ZNF664: variants seen among roughly 807,000 people sequenced by gnomAD.
ZNF664 encodes the protein zinc finger Organ of Corti 1.
ZNF664 carries 10 observed loss-of-function variants against 18.2 expected under a neutral mutation model. The ratio of observed to expected loss-of-function variants is 0.55; its 90% CI spans 0.34 to 0.93. ZNF664 has a LOEUF of 0.93. Ranked by LOEUF, ZNF664 falls within the 40% of genes least tolerant of loss-of-function variation. The pLI, the probability that ZNF664 is intolerant of heterozygous loss-of-function variation, is 0.02. For missense variants in ZNF664, 193 were observed against 319.0 expected (o/e 0.61, Z 3.01); for synonymous variants, 119 against 104.2 (o/e 1.14, Z -0.86).
rs925533578 is a variant in ZNF664, at chr12:124,008,825, C to T, written c.-660-2556C>T. 2.6e-5 allele frequency among the ~76,000 whole-genome samples: 4 copies of T among 152,032 alleles called. No individual in the cohort carries two copies. The East Asian group carries it at 7.8e-4, about 29-fold the overall frequency. On this transcript the variant is annotated intron_variant, in intron 3 of 4. Transcript: ENST00000337815. Reference sequence around the variant, plus strand: ...GGCTCTGTGTTCCTTTGGCACGGCCCTCTTGCTTTCTGGCATAACAGGATG... The same window carrying T: ...GGCTCTGTGTTCCTTTGGCACGGCCTTCTTGCTTTCTGGCATAACAGGATG...
rs896530025 is a variant in ZNF664, at chr12:123,987,794, A to G, written c.-756-249A>G. On this transcript the variant is annotated intron_variant, in intron 2 of 4. Coordinates refer to ENST00000337815, the MANE Select transcript of ZNF664 (RefSeq NM_152437.3). The stretch of plus-strand genomic sequence containing the variant: ...GGCTAATTGTGATAATGGGATACCT[A>G]TATCTTGGAGGGAAGTTGTGCAGAG... Among the ~76,000 whole-genome samples, 3 of 152,198 alleles carry G rather than the reference A, an allele frequency of 2.0e-5. No homozygotes were observed. In the South Asian group the frequency reaches 6.2e-4, roughly 31 times the overall value.
Position 124,011,903 on chromosome 12 carries a change from T to C in ZNF664, c.-242T>C, listed in dbSNP as rs1957139165. 3 of 1,304,352 alleles carry C rather than the reference T, an allele frequency of 2.3e-6. No individual in the cohort carries two copies. The allele number at this position is 1,304,352 out of a possible 1,614,324, so 80.8% of individuals were successfully genotyped here. A position where few individuals can be genotyped will look rare whatever the true frequency, so the allele number is the denominator to read the frequency against. ...GTGTTAATGAGTTACAGAATTCACG[T>C]GGAAGTCAATGTCACTTTATAATCG... On this transcript the variant is annotated 5_prime_UTR_variant, in exon 5 of 5. Coordinates refer to ENST00000337815, the MANE Select transcript of ZNF664 (RefSeq NM_152437.3).
chr12:123,983,599 C>T (rs1181194498), intron 2 of ZNF664, among the ~76,000 whole-genome samples: 1 of 152,196 alleles, frequency 6.6e-6, no homozygotes, highest in African/African-American at 2.4e-5. Context: ...TGAACTCTGC[C>T]ACTTAGGTTA....
chr12:123,983,579 C>G (rs932967297), intron 2 of ZNF664, among the ~76,000 whole-genome samples: 1 of 152,108 alleles, frequency 6.6e-6, no homozygotes, highest in Non-Finnish European at 1.5e-5. Flanking sequence ...GACCCCTGTC[C>G]CAAAGATGAT....
intron 3 of ZNF664, among the ~76,000 whole-genome samples, chr12:123,994,847 T>C (rs1199215833): frequency 2.6e-5 from 4 of 152,180 alleles, no homozygotes; most frequent in Non-Finnish European, 4.4e-5. Flanking sequence ...ATTTGGAGCC[T>C]TCATGGAGTG....
In ZNF664 at chr12:124,012,949, T is replaced by TA. The variant is rs1957149851; in HGVS notation, c.*23dup. 6.2e-7 allele frequency: 1 copy of TA among 1,606,948 alleles called. No homozygotes were observed. The highest frequency in any genetic ancestry group is 1.3e-5 in the African/African-American group (1 of 74,516). On this transcript the variant is annotated 3_prime_UTR_variant, in exon 5 of 5. Transcript: ENST00000337815. ...TATATAAAACGTTTTGCTAAGAGTT[T>TA]AAAATCTTAAAACCCATAAGTGCCA...
At chr12:123,974,329 G>C (rs576705515) in intron 2 of ZNF664, 1 of 304,164 alleles carries the variant, frequency 3.3e-6, no homozygotes, top group South Asian at 1.6e-4. Flanking sequence ...TTGCAACAAA[G>C]GAGACCAGAT....
At chr12:123,996,927 G>T (rs1002832859) in intron 3 of ZNF664, among the ~76,000 whole-genome samples, 1 of 152,170 alleles carries the variant, frequency 6.6e-6, no homozygotes, top group African/African-American at 2.4e-5. Context: ...CCTTCCCCAG[G>T]CTGCCAGCCA....
rs1047793467 is a variant in ZNF664 at position 123,988,184 on chromosome 12, C to G, written c.-661+46C>G. 8.1e-6 allele frequency: 10 copies of G among 1,230,082 alleles called. No individual in the cohort carries two copies. In the African/African-American group the frequency reaches 1.6e-4, roughly 19 times the overall value. 76.2% of individuals were successfully genotyped at this position (1,230,082 alleles called of 1,614,324 possible). A position where few individuals can be genotyped will look rare whatever the true frequency, so the allele number is the denominator to read the frequency against. On this transcript the variant is annotated intron_variant, in intron 3 of 4. Transcript: ENST00000337815. The stretch of plus-strand genomic sequence containing the variant: ...ACCATTTGTCCTAGATGGAGAATCC[C>G]CCTTGAGTATTTTAAGCCAAAGCTG...
chr12:123,985,219 G>C (rs1039078216), intron 2 of ZNF664, among the ~76,000 whole-genome samples: 3 of 152,200 alleles, frequency 2.0e-5, no homozygotes, highest in African/African-American at 7.2e-5. Flanking sequence ...AATTAGAGCT[G>C]TAATCAACAA....
intron 3 of ZNF664, among the ~76,000 whole-genome samples, chr12:124,004,333 G>A (rs1469006161): frequency 1.3e-5 from 2 of 152,186 alleles, no homozygotes; most frequent in Non-Finnish European, 2.9e-5. Context: ...ATTGAAAGAG[G>A]ACTGGAGGTC....
chr12:123,994,224 G>T lies in ZNF664; in HGVS notation c.-661+6086G>T, dbSNP rs1217767865. On this transcript the variant is annotated intron_variant, in intron 3 of 4. Coordinates refer to ENST00000337815, the MANE Select transcript of ZNF664 (RefSeq NM_152437.3). ...ATACTTTCAGTCTTCAAAAAAAGTG[G>T]GTTTAAGATGGATTCTCAACCCCTT... Among the ~76,000 whole-genome samples the T allele has an allele frequency of 2.6e-5, 4 of 152,028 alleles. No homozygotes were observed. In the East Asian group the frequency reaches 7.7e-4, roughly 29 times the overall value.
chr12:124,013,040 C>A lies in ZNF664; in HGVS notation c.*110C>A. On this transcript the variant is annotated 3_prime_UTR_variant, in exon 5 of 5. Transcript: ENST00000337815. The stretch of plus-strand genomic sequence containing the variant: ...AATATTTACGCAATCCCTAGCAGAA[C>A]ATTGTTTCTGAGGAGGCATATGTGA... The A allele has an allele frequency of 7.4e-7, 1 of 1,346,412 alleles. No homozygotes were observed. The highest frequency in any genetic ancestry group is 1.0e-6 in the Non-Finnish European group (1 of 1,000,746). 83.4% of individuals were successfully genotyped at this position (1,346,412 alleles called of 1,614,324 possible). A position where few individuals can be genotyped will look rare whatever the true frequency, so the allele number is the denominator to read the frequency against.
At chr12:123,976,414 C>A (rs1379264758) in intron 2 of ZNF664, among the ~76,000 whole-genome samples, 2 of 152,090 alleles carry the variant, frequency 1.3e-5, no homozygotes, top group Admixed American at 1.3e-4. Flanking sequence ...AAAGCTTTGC[C>A]CATTCCAGGA....
At chr12:124,008,000 C>A (rs1957093038) in intron 3 of ZNF664, among the ~76,000 whole-genome samples, 1 of 152,100 alleles carries the variant, frequency 6.6e-6, no homozygotes. Context: ...AATCTCATAC[C>A]CCGAATCACA....
At chr12:123,986,938 A>C (rs943671096) in intron 2 of ZNF664, among the ~76,000 whole-genome samples, 4 of 152,202 alleles carry the variant, frequency 2.6e-5, no homozygotes, top group Non-Finnish European at 5.9e-5. Context: ...ATTCCCACAG[A>C]GAAACTAAAA....
chr12:123,994,224 G>A (rs1217767865), intron 3 of ZNF664, among the ~76,000 whole-genome samples: 1 of 152,028 alleles, frequency 6.6e-6, no homozygotes. Flanking sequence ...AAAAAAAGTG[G>A]GTTTAAGATG....
At chr12:123,984,495 G>A (rs1594547351) in intron 2 of ZNF664, among the ~76,000 whole-genome samples, 1 of 152,298 alleles carries the variant, frequency 6.6e-6, no homozygotes, top group East Asian at 1.9e-4. Context: ...AGGGTAGCTA[G>A]AGAAGGCCTG....
At position 123,989,876 on chromosome 12, in the gene ZNF664, G is replaced by A. The variant is rs118000971; in HGVS notation, c.-661+1738G>A. Among the ~76,000 whole-genome samples the A allele has an allele frequency of 1.0e-4, 10 of 97,446 alleles. 1 individual carries two copies. In the East Asian group the frequency reaches 2.2e-3, roughly 21 times the overall value. The allele number at this position is 97,446 out of a possible 152,430, so 63.9% of individuals were successfully genotyped here. A position where few individuals can be genotyped will look rare whatever the true frequency, so the allele number is the denominator to read the frequency against. On this transcript the variant is annotated intron_variant, in intron 3 of 4. Transcript: ENST00000337815. ...CAATAAATTTCTGTCCATCCATGCA[G>A]ATACTGAATTCTATTCTTAGGATTC... is the stretch of plus-strand genomic sequence containing the variant.
Sources: allele counts gnomAD v4.1 joint callset (sites outside exome capture counted in the v4.1 genomes callset), GRCh38; gene constraint gnomAD v4.1.1; transcripts MANE v1.5; gene names NCBI Gene and HGNC (gene_info 2026-07-23, HGNC 2026-07-21).